The following PCSK5 variants were observed in gnomAD, a reference collection of about 807,000 sequenced individuals.
The protein encoded by PCSK5 is proprotein convertase subtilisin/kexin type 5, also known as prohormone convertase 5.
Under a neutral mutation model 233.2 loss-of-function variants are expected in PCSK5, and 129 were observed. The ratio of observed to expected loss-of-function variants is 0.55; its 90% confidence interval spans 0.48 to 0.64. The LOEUF (loss-of-function observed/expected upper bound fraction) is 0.64. PCSK5 is among the 30% of genes least tolerant of loss of function. PCSK5 has a pLI of 0.00. For synonymous variants in PCSK5, 825 were observed against 879.2 expected (o/e 0.94, Z 1.09); for missense variants, 2,076 against 2,430.1 (o/e 0.85, Z 3.06).
intron 24 of PCSK5, among the ~76,000 whole-genome samples, chr9:76,277,434 T>C (rs1213165237): frequency 2.0e-5 from 3 of 152,178 alleles, no homozygotes; most frequent in African/African-American, 7.2e-5. Flanking sequence ...CCTATTATGA[T>C]ATTCCATCAC....
At chr9:75,972,014 A>G (rs1825831407) in intron 2 of PCSK5, among the ~76,000 whole-genome samples, 1 of 151,970 alleles carries the variant, frequency 6.6e-6, no homozygotes, top group Non-Finnish European at 1.5e-5. Context: ...CTATGTCCTG[A>G]ATGGTATTGC....
At chr9:76,175,202 GAATGGAATGGAATGGAATGA>G (rs780454614) in intron 14 of PCSK5, 73 bp downstream of exon 14, 36 of 1,228,942 alleles carry the variant, frequency 2.9e-5, no homozygotes, top group Middle Eastern at 1.9e-4. Context: ...TGGGAGAACA[GAATGGAATGGAATGGAATGA>G]AATGGAATGG....
At chr9:76,010,724 T>C (rs1339248) in intron 3 of PCSK5, among the ~76,000 whole-genome samples, 20,160 of 152,244 alleles carry the variant, frequency 0.13, 1,338 homozygotes, top group Middle Eastern at 0.15. Flanking sequence ...TTATGTTAGT[T>C]ACCCATGAAG....
At chr9:76,192,843 A>G (rs1406783283) in intron 20 of PCSK5, among the ~76,000 whole-genome samples, 1 of 152,188 alleles carries the variant, frequency 6.6e-6, no homozygotes, top group Non-Finnish European at 1.5e-5. Flanking sequence ...ACTTAAAATG[A>G]TGGTGCATCT....
At chr9:75,972,686 G>T (rs1825857525) in intron 2 of PCSK5, among the ~76,000 whole-genome samples, 1 of 152,082 alleles carries the variant, frequency 6.6e-6, no homozygotes, top group Non-Finnish European at 1.5e-5. Flanking sequence ...CTTGTCTATT[G>T]TTGTGTATAG....
chr9:76,262,694 T>C (rs974500077), intron 24 of PCSK5, among the ~76,000 whole-genome samples: 1 of 151,132 alleles, frequency 6.6e-6, no homozygotes, highest in Admixed American at 6.6e-5. Context: ...ACCTAGGCAT[T>C]ACCATTCAGG....
chr9:76,005,790 C>G (rs2789608), intron 3 of PCSK5, among the ~76,000 whole-genome samples: 67,107 of 152,018 alleles, frequency 0.44, 15,381 homozygotes, highest in East Asian at 0.76. Context: ...AGTTTACATT[C>G]TCATCAACCA....
chr9:76,027,072 TG>T, intron 5 of PCSK5, 35 bp downstream of exon 5: 2 of 1,425,992 alleles, frequency 1.4e-6, no homozygotes, highest in Non-Finnish European at 2.0e-6. Context: ...GGCATGTGGC[TG>T]GCAAGGAGCT....
At chr9:76,194,182 A>T (rs1371202114) in intron 20 of PCSK5, 1 of 152,314 alleles carries the variant, frequency 6.6e-6, no homozygotes, top group Non-Finnish European at 1.5e-5. Flanking sequence ...CCTGAAATTC[A>T]GAGTGTTAAC....
At chr9:75,974,457 T>C (rs904242356) in intron 2 of PCSK5, among the ~76,000 whole-genome samples, 8 of 152,196 alleles carry the variant, frequency 5.3e-5, no homozygotes, top group Non-Finnish European at 8.8e-5. Flanking sequence ...TGCCAATCCC[T>C]TTCCCTTTGC....
chr9:76,251,830 T>C (rs1446595782), intron 24 of PCSK5, among the ~76,000 whole-genome samples: 1 of 152,088 alleles, frequency 6.6e-6, no homozygotes, highest in African/African-American at 2.4e-5. Context: ...ATAAGTTCAC[T>C]AGGCTGGTAA....
At chr9:75,926,211 G>A (rs577860377) in intron 1 of PCSK5, among the ~76,000 whole-genome samples, 1 of 152,110 alleles carries the variant, frequency 6.6e-6, no homozygotes, top group Non-Finnish European at 1.5e-5. Flanking sequence ...TCAGAAAAGG[G>A]GAATTTATAA....
At chr9:76,061,906 A>ATCATT (rs1830042594) in intron 5 of PCSK5, among the ~76,000 whole-genome samples, 1 of 152,204 alleles carries the variant, frequency 6.6e-6, no homozygotes, top group Admixed American at 6.5e-5. Flanking sequence ...TTTTAAATTG[A>ATCATT]TCATTTTTTG....
At chr9:76,116,022 T>C (rs972405920) in intron 9 of PCSK5, among the ~76,000 whole-genome samples, 6 of 152,148 alleles carry the variant, frequency 3.9e-5, no homozygotes, top group Non-Finnish European at 7.4e-5. Flanking sequence ...CTAGTTTTTG[T>C]ATTAACTGAT....
intron 36 of PCSK5, among the ~76,000 whole-genome samples, chr9:76,351,499 A>AGAAAGAAAGAAAGAAG (rs1830141483): frequency 1.7e-5 from 1 of 57,656 alleles, no homozygotes; most frequent in Non-Finnish European, 4.9e-5. Context: ...AAAGAAAGAA[A>AGAAAGAAAGAAAGAAG]GAAAGAAAGA....
rs1830232956 is a variant in PCSK5 at position 76,354,023 on chromosome 9, C to T, written c.5068-10C>T. Reference sequence around the variant, plus strand: ...ACACTCAAAAGGAACCTCTTGATTGCTCTTAACAGGGAGAGAAGTTTAACT... The same window carrying T: ...ACACTCAAAAGGAACCTCTTGATTGTTCTTAACAGGGAGAGAAGTTTAACT... On this transcript the variant is annotated splice_polypyrimidine_tract_variant and intron_variant, in intron 36 of 37. Coordinates refer to ENST00000674117, the MANE Select transcript of PCSK5 (RefSeq NM_001372043.1). 3 of 1,599,650 alleles carry T rather than the reference C, an allele frequency of 1.9e-6. No homozygotes were observed. The East Asian group carries it at 6.7e-5, about 36-fold the overall frequency.
intron 10 of PCSK5, among the ~76,000 whole-genome samples, chr9:76,143,088 G>A (rs1823295785): frequency 6.6e-6 from 1 of 152,132 alleles, no homozygotes; most frequent in Non-Finnish European, 1.5e-5. Flanking sequence ...GGTGAAAGAT[G>A]TTTGAGAACT....
At chr9:76,330,418 A>G (rs1332992122) in intron 33 of PCSK5, among the ~76,000 whole-genome samples, 1 of 152,122 alleles carries the variant, frequency 6.6e-6, no homozygotes, top group East Asian at 1.9e-4. Flanking sequence ...CTCCCCCACC[A>G]GGAGAGTAGA....
intron 1 of PCSK5, among the ~76,000 whole-genome samples, chr9:75,923,700 A>C (rs1012257123): frequency 1.3e-5 from 2 of 152,190 alleles, no homozygotes; most frequent in African/African-American, 4.8e-5. Flanking sequence ...TCTTAAAACA[A>C]TGCAAATTTA....
Sources: gnomAD v4.1 joint callset for allele counts (sites outside exome capture counted in the v4.1 genomes callset) on GRCh38, gnomAD v4.1.1 for gene constraint, MANE v1.5 for transcripts, NCBI Gene and HGNC (gene_info 2026-07-23, HGNC 2026-07-21) for gene names.